MRPS18A: variants seen among roughly 807,000 people sequenced by gnomAD.
The protein encoded by MRPS18A is large ribosomal subunit protein mL66.
Under a neutral mutation model 22.7 loss-of-function variants are expected in MRPS18A, and 20 were observed. That is an observed-to-expected ratio of 0.88 (90% confidence interval 0.62 to 1.28). MRPS18A has a LOEUF of 1.28. Among genes scored for constraint, MRPS18A ranks in the 50% most tolerant of loss-of-function variants. The probability of loss-of-function intolerance (pLI) is 0.00; values close to 1 mark genes in which losing one functional copy is unlikely to be tolerated. For synonymous variants in MRPS18A, 106 were observed against 99.1 expected, an observed-to-expected ratio of 1.07 and a Z score of -0.41; for missense variants, 294 against 262.6, an observed-to-expected ratio of 1.12 and a Z score of -0.83.
rs1349622222 is a variant in MRPS18A, at chr6:43,673,041, G to A, written c.447-1135C>T. 6.7e-6 allele frequency among the ~76,000 whole-genome samples: 1 copy of A among 149,542 alleles called. No individual in the cohort carries two copies. The highest frequency in any genetic ancestry group is 2.0e-4 in the East Asian group (1 of 5,086). ...CTTGCTCTGTTGCCCAAGCTGGAGT[G>A]CAGTGGCGCGATCTCGGCTCACTGC... On this transcript the variant is annotated intron_variant, in intron 5 of 5. Coordinates refer to ENST00000372133, the MANE Select transcript of MRPS18A (RefSeq NM_018135.4). This position sits in a 1 kb window ranked among gnomAD's most constrained non-coding sequence, Gnocchi z 4.2.
intron 2 of MRPS18A, among the ~76,000 whole-genome samples, chr6:43,679,856 G>C (rs371932511): frequency 1.3e-5 from 2 of 152,210 alleles, no homozygotes; most frequent in East Asian, 3.8e-4. Context: ...GTGGGTTGGG[G>C]GTTGGGGGTG....
At chr6:43,672,060 G>A in intron 5 of MRPS18A, 154 bp from the exon 6 acceptor site, 1 of 917,506 alleles carries the variant, frequency 1.1e-6, no homozygotes, top group Non-Finnish European at 1.6e-6. Context: ...TTTCCTGGGA[G>A]TAACTGCTGA....
At position 43,673,145 on chromosome 6, in the gene MRPS18A, G is replaced by A. The variant is rs1004530305; in HGVS notation, c.447-1239C>T. On this transcript the variant is annotated intron_variant, in intron 5 of 5. Coordinates refer to ENST00000372133, the MANE Select transcript of MRPS18A (RefSeq NM_018135.4). The surrounding 1 kb of genome is among the most constrained non-coding windows in gnomAD (Gnocchi z 4.2). ...TTGGATTACAGGCACCCGCCACAATGCATGGCTAATTTTTGTATTTTTAGT... is the reference window on the plus strand; with the variant it reads ...TTGGATTACAGGCACCCGCCACAATACATGGCTAATTTTTGTATTTTTAGT... 3.4e-4 allele frequency among the ~76,000 whole-genome samples: 52 copies of A among 152,052 alleles called. No individual in the cohort carries two copies. The highest frequency in any genetic ancestry group is 1.2e-3 in the African/African-American group (50 of 41,392).
chr6:43,681,201 C>A (rs1457885113), intron 1 of MRPS18A, 81 bp from the exon 2 acceptor site: 88 of 1,441,436 alleles, frequency 6.1e-5, no homozygotes, highest in Non-Finnish European at 8.0e-5. Context: ...AAATTCTACA[C>A]ATCTGGAAAA....
intron 2 of MRPS18A, 95 bp from the exon 3 acceptor site, chr6:43,678,720 G>GA: frequency 6.9e-6 from 6 of 874,090 alleles, no homozygotes; most frequent in Non-Finnish European, 1.1e-5. Flanking sequence ...TAATGCTGGT[G>GA]AAAGTTTACC....
At chr6:43,681,208 A>G in intron 1 of MRPS18A, 88 bp from the exon 2 acceptor site, 1 of 1,369,996 alleles carries the variant, frequency 7.3e-7, no homozygotes, top group East Asian at 2.3e-5. Context: ...ACACATCTGG[A>G]AAAAAGCAGC....
intron 2 of MRPS18A, 139 bp downstream of exon 2, chr6:43,680,950 A>G (rs1226899224): frequency 6.9e-6 from 5 of 724,984 alleles, no homozygotes; most frequent in Non-Finnish European, 1.2e-5. Context: ...GAAAAATAGT[A>G]GGCTGTGGGA....
At chr6:43,687,605 C>T (rs1774786867) in intron 1 of MRPS18A, 63 bp downstream of exon 1, 3 of 1,368,988 alleles carry the variant, frequency 2.2e-6, no homozygotes, top group African/African-American at 1.4e-5. Context: ...CGCACCGGGG[C>T]TGGCGGAAGC....
At chr6:43,677,606 G>C (rs1554150647) in intron 3 of MRPS18A, among the ~76,000 whole-genome samples, 4 of 152,186 alleles carry the variant, frequency 2.6e-5, no homozygotes, top group Non-Finnish European at 5.9e-5. Context: ...CTGGGGAGGA[G>C]GTAGTGTAGT....
rs780952019 is a variant in MRPS18A, at chr6:43,678,564, T to C, written c.206A>G (p.Gln69Arg). 1.1e-5 allele frequency: 17 copies of C among 1,613,896 alleles called. No individual in the cohort carries two copies. Among genetic ancestry groups the C allele is most frequent in the Admixed American group, 8.3e-5 (5 of 59,994 alleles). The change falls in exon 3 of 6, where the codon CAG (glutamine) becomes CGG (arginine). Residue 69 changes from glutamine to arginine, a missense_variant. Transcript: ENST00000372133. ...CAGGTTCCAACGGCAGATGGGGCAC[T>C]GGCCAGAGGGGTTAGGAGGATTTGG... ...ESPNPPNPSGQCPICRWNLKH... is the reference protein window; with the variant it reads ...ESPNPPNPSGRCPICRWNLKH...
intron 3 of MRPS18A, 132 bp from the exon 4 acceptor site, chr6:43,675,749 G>C (rs914595239): frequency 4.4e-5 from 48 of 1,091,728 alleles, no homozygotes; most frequent in Admixed American, 1.7e-4. Context: ...CCTCCACACA[G>C]AGCTTTGCAC....
Position 43,671,582 on chromosome 6 carries a change from T to A in MRPS18A, c.*180A>T. ...CCTGCCTGCCTCTAGCTCCCAGCAT[T>A]GCTACTGTGCAGGCCAAGGGTACTG... On this transcript the variant is annotated 3_prime_UTR_variant, in exon 6 of 6. Transcript: ENST00000372133. 1.5e-6 allele frequency: 1 copy of A among 684,214 alleles called. No homozygotes were observed. Among genetic ancestry groups the A allele is most frequent in the Non-Finnish European group, 2.4e-6 (1 of 409,982 alleles). The allele number at this position is 684,214 out of a possible 1,614,324, so 42.4% of individuals were successfully genotyped here. A position where few individuals can be genotyped will look rare whatever the true frequency, so the allele number is the denominator to read the frequency against.
rs1185952024 is a variant in MRPS18A, at chr6:43,671,757, C to G, written c.*5G>C. On this transcript the variant is annotated 3_prime_UTR_variant, in exon 6 of 6. Coordinates refer to ENST00000372133, the MANE Select transcript of MRPS18A (RefSeq NM_018135.4). ...CAGGAGGAACTCTGGAAGCACTGCTCTCTGTCAGTGATACAGCTTCCAAGG... is the reference window on the plus strand; with the variant it reads ...CAGGAGGAACTCTGGAAGCACTGCTGTCTGTCAGTGATACAGCTTCCAAGG... 1 of 1,614,078 alleles carries G rather than the reference C, an allele frequency of 6.2e-7. No individual in the cohort carries two copies. The highest frequency in any genetic ancestry group is 1.3e-5 in the African/African-American group (1 of 74,926).
chr6:43,682,581 G>C (rs1426617959), intron 1 of MRPS18A, among the ~76,000 whole-genome samples: 2 of 152,190 alleles, frequency 1.3e-5, no homozygotes, highest in African/African-American at 4.8e-5. Context: ...TTTCTCCAGA[G>C]AACACTGTAG....
intron 2 of MRPS18A, among the ~76,000 whole-genome samples, chr6:43,679,859 TG>T: frequency 6.6e-6 from 1 of 151,058 alleles, no homozygotes; most frequent in Non-Finnish European, 1.5e-5. Context: ...GGTTGGGGGT[TG>T]GGGGTGGGGA....
chr6:43,686,180 G>A (rs761031796), intron 1 of MRPS18A, among the ~76,000 whole-genome samples: 8 of 152,168 alleles, frequency 5.3e-5, no homozygotes, highest in Non-Finnish European at 1.0e-4. Flanking sequence ...AAAACAAAAC[G>A]ATTCCTCTTG....
At chr6:43,672,792 T>C (rs1273025578) in intron 5 of MRPS18A, among the ~76,000 whole-genome samples, 2 of 152,212 alleles carry the variant, frequency 1.3e-5, no homozygotes, top group African/African-American at 2.4e-5. Context: ...ATTGCTGATT[T>C]ATGCAGTTCA....
intron 1 of MRPS18A, among the ~76,000 whole-genome samples, chr6:43,682,140 A>G (rs986519410): frequency 6.6e-6 from 1 of 152,148 alleles, no homozygotes; most frequent in Non-Finnish European, 1.5e-5. Flanking sequence ...TCCTACAAAA[A>G]TCACTAAAAT....
intron 3 of MRPS18A, among the ~76,000 whole-genome samples, chr6:43,676,148 G>C (rs1241401349): frequency 1.3e-5 from 2 of 152,060 alleles, no homozygotes; most frequent in African/African-American, 2.4e-5. Context: ...CCTACACCCA[G>C]CCTCCTGAGA....
Sources: allele counts gnomAD v4.1 joint callset (sites outside exome capture counted in the v4.1 genomes callset), GRCh38; gene constraint gnomAD v4.1.1; non-coding constraint Gnocchi (gnomAD v3.1); transcripts MANE v1.5; gene names NCBI Gene and HGNC (gene_info 2026-07-23, HGNC 2026-07-21).